CEACAM3: variants seen among roughly 807,000 people sequenced by gnomAD.
CEACAM3 encodes the protein CEA cell adhesion molecule 3.
Under a neutral mutation model 30.1 loss-of-function variants are expected in CEACAM3, and 32 were observed. The observed-to-expected ratio is 1.06, with a 90% CI of 0.80 to 1.43. The LOEUF (loss-of-function observed/expected upper bound fraction) is 1.43. Among genes scored for constraint, CEACAM3 ranks in the 40% most tolerant of loss-of-function variants. The probability of loss-of-function intolerance (pLI) is 0.00; values close to 1 mark genes in which losing one functional copy is unlikely to be tolerated. For missense variants in CEACAM3, 290 were observed against 316.3 expected (o/e 0.92, Z 0.63); for synonymous variants, 134 against 127.2 (o/e 1.05, Z -0.36).
In CEACAM3 at chr19:41,811,335, C is replaced by T; in HGVS notation, c.*98C>T. 1 of 1,041,798 alleles carries T rather than the reference C, an allele frequency of 9.6e-7. No homozygotes were observed. Among genetic ancestry groups the T allele is most frequent in the South Asian group, 1.3e-5 (1 of 78,570 alleles). 64.5% of individuals were successfully genotyped at this position (1,041,798 alleles called of 1,614,324 possible). A position where few individuals can be genotyped will look rare whatever the true frequency, so the allele number is the denominator to read the frequency against. ...CATGAAGCCTGAGCCAGAGAACCAG[C>T]TATAAGTCCTGAGAAGACACTGGTG... On this transcript the variant is annotated 3_prime_UTR_variant, in exon 7 of 7. Coordinates refer to ENST00000357396, the MANE Select transcript of CEACAM3 (RefSeq NM_001815.5).
chr19:41,803,850 C>T (rs1044494846), intron 2 of CEACAM3, among the ~76,000 whole-genome samples: 13 of 152,008 alleles, frequency 8.6e-5, no homozygotes, highest in Non-Finnish European at 1.6e-4. Flanking sequence ...GAGGCTGAGG[C>T]GGGTGGATCA....
Position 41,797,705 on chromosome 19 carries a change from C to A in CEACAM3, c.181C>A (p.His61Asn). 1 of 1,614,072 alleles carries A rather than the reference C, an allele frequency of 6.2e-7. No individual in the cohort carries two copies. The highest frequency in any genetic ancestry group is 8.5e-7 in the Non-Finnish European group (1 of 1,179,980). The change falls in exon 2 of 7, where the codon CAT becomes AAT. Residue 61 changes from histidine (H) to asparagine (N), a missense_variant. Physicochemically the swap from His to Asn is moderately conservative, Grantham distance 68. Transcript: ENST00000357396. ...TCTACTTGTCCACAATCTGCCCCAG[C>A]ATCTTTTTGGCTACAGCTGGTACAA... ...VLLLVHNLPQ[H>N]LFGYSWYKGE... is the part of the protein sequence containing the mutation.
At chr19:41,803,426 ATGTGTGTGTGTGTG>A (rs1164324050) in intron 2 of CEACAM3, among the ~76,000 whole-genome samples, 1 of 128,964 alleles carries the variant, frequency 7.8e-6, no homozygotes, top group Non-Finnish European at 1.6e-5. Context: ...TTGTGTGTGT[ATGTGTGTGTGTGTG>A]TGTGTGTGTG....
At chr19:41,809,417 T>C in intron 3 of CEACAM3, 1 of 164,548 alleles carries the variant, frequency 6.1e-6, no homozygotes. Context: ...CCATAGGCCC[T>C]GAGGTGTGAG....
chr19:41,802,671 C>T (rs1264041282), intron 2 of CEACAM3, among the ~76,000 whole-genome samples: 1 of 152,174 alleles, frequency 6.6e-6, no homozygotes, highest in Non-Finnish European at 1.5e-5. Context: ...GAATAGGCAA[C>T]AAAGATCCCC....
In CEACAM3 at chr19:41,797,843, C is replaced by T; in HGVS notation, c.319C>T (p.Leu107=). The T allele has an allele frequency of 6.2e-7, 1 of 1,613,524 alleles. No homozygotes were observed. Among genetic ancestry groups the T allele is most frequent in the Non-Finnish European group, 8.5e-7 (1 of 1,179,990 alleles). ...AGAGACAATATACACCAATGCATCC[C>T]TGCTGATCCAGAATGTCACCCAGAA... The part of the protein sequence containing the change: ...GRETIYTNAS[L]LIQNVTQNDI... The change falls in exon 2 of 7, where the codon CTG becomes TTG. Residue 107 remains leucine, a synonymous_variant. Coordinates refer to ENST00000357396, the MANE Select transcript of CEACAM3 (RefSeq NM_001815.5).
Position 41,810,853 on chromosome 19 carries a change from C to G in CEACAM3, c.649C>G (p.Gln217Glu). 1 of 1,613,474 alleles carries G rather than the reference C, an allele frequency of 6.2e-7. No homozygotes were observed. The highest frequency in any genetic ancestry group is 8.5e-7 in the Non-Finnish European group (1 of 1,179,664). ...AFSMSPLSTA[Q>E]APLPNPRTAA... ...ACAGATGTCCCCTCTCTCCACTGCC[C>G]AGGCCCCCCTACCCAACCCCAGGAC... The change falls in exon 6 of 7, where the codon CAG becomes GAG. Residue 217 changes from glutamine to glutamate, a missense_variant. Transcript: ENST00000357396.
intron 2 of CEACAM3, chr19:41,807,153 C>G (rs781839917): frequency 1.0e-5 from 16 of 1,553,964 alleles, no homozygotes. Context: ...AACTCCAACC[C>G]CAAGGAGGAC....
intron 5 of CEACAM3, among the ~76,000 whole-genome samples, chr19:41,810,626 G>A (rs781367238): frequency 6.6e-6 from 1 of 152,132 alleles, no homozygotes; most frequent in African/African-American, 2.4e-5. Flanking sequence ...ATCAGTCAGG[G>A]GCCCACATTA....
Position 41,797,924 on chromosome 19 carries a change from G to A in CEACAM3, c.400G>A (p.Ala134Thr), listed in dbSNP as rs201879141. ...VIKSDLVNEE[A>T]TGQFHVYQEN... ...AAAGTCAGATCTTGTGAATGAAGAA[G>A]CAACTGGACAGTTCCATGTATACCG... is the stretch of plus-strand genomic sequence containing the variant. The change falls in exon 2 of 7, where the codon GCA (alanine) becomes ACA (threonine). Residue 134 changes from alanine (A) to threonine (T), a missense_variant. Transcript: ENST00000357396. The A allele has an allele frequency of 1.8e-5, 29 of 1,609,472 alleles. No individual in the cohort carries two copies. The highest frequency in any genetic ancestry group is 2.5e-5 in the Non-Finnish European group (29 of 1,177,658).
At chr19:41,810,967 C>G in intron 6 of CEACAM3, 70 bp downstream of exon 6, 1 of 1,435,844 alleles carries the variant, frequency 7.0e-7, no homozygotes, top group East Asian at 2.3e-5. Context: ...CTACTGGCAT[C>G]GGCTGAGCTC....
chr19:41,808,875 G>A lies in CEACAM3; in HGVS notation c.487G>A (p.Gly163Arg), dbSNP rs562109340. Residue 163 changes from glycine (G) to arginine (R), a missense_variant, in exon 3 of 7, where the codon GGA becomes AGA. Coordinates refer to ENST00000357396, the MANE Select transcript of CEACAM3 (RefSeq NM_001815.5). ...VAGIVTGVLV[G>R]VALVAALVCF... The stretch of plus-strand genomic sequence containing the variant: ...CGGCATCGTGACCGGGGTCCTGGTC[G>A]GAGTGGCGCTGGTGGCCGCGCTGGT... The A allele has an allele frequency of 1.1e-5, 17 of 1,609,954 alleles. No individual in the cohort carries two copies. Among genetic ancestry groups the A allele is most frequent in the South Asian group, 2.2e-5 (2 of 90,772 alleles).
At chr19:41,804,513 T>A (rs1418059664) in intron 2 of CEACAM3, among the ~76,000 whole-genome samples, 2 of 152,208 alleles carry the variant, frequency 1.3e-5, no homozygotes, top group African/African-American at 4.8e-5. Context: ...CTTTTGACAT[T>A]TACTGACATA....
In CEACAM3 at chr19:41,796,616, T is replaced by A. The variant is rs1286312287; in HGVS notation, c.-62T>A. 1.3e-6 allele frequency: 2 copies of A among 1,588,298 alleles called. No individual in the cohort carries two copies. The highest frequency in any genetic ancestry group is 1.7e-6 in the Non-Finnish European group (2 of 1,156,930). Reference sequence around the variant, plus strand: ...GAGCCTAAGTCACAGTAGCCCTGACTACAGCATTCCTGGAGCCCAGGCTCT... The same window carrying A: ...GAGCCTAAGTCACAGTAGCCCTGACAACAGCATTCCTGGAGCCCAGGCTCT... On this transcript the variant is annotated 5_prime_UTR_variant, in exon 1 of 7. Transcript: ENST00000357396.
Position 41,797,576 on chromosome 19 carries a change from T to C in CEACAM3, c.65-13T>C, listed in dbSNP as rs782287117. On this transcript the variant is annotated splice_polypyrimidine_tract_variant and intron_variant, in intron 1 of 6. Coordinates refer to ENST00000357396, the MANE Select transcript of CEACAM3 (RefSeq NM_001815.5). The stretch of plus-strand genomic sequence containing the variant: ...ATGGGTCCCAATATTGACTGATGCT[T>C]TCTCCCTCCTAGCCTCACTTCTAAA... 3.7e-6 allele frequency: 6 copies of C among 1,607,244 alleles called. No individual in the cohort carries two copies. In the African/African-American group the frequency reaches 8.0e-5, roughly 22 times the overall value.
In CEACAM3 at chr19:41,807,016, G is replaced by A; in HGVS notation, c.425-1797G>A. The A allele has an allele frequency of 3.3e-6, 5 of 1,515,392 alleles. No individual in the cohort carries two copies. The East Asian group carries it at 1.2e-4, about 36-fold the overall frequency. 93.9% of individuals were successfully genotyped at this position (1,515,392 alleles called of 1,614,324 possible). A position where few individuals can be genotyped will look rare whatever the true frequency, so the allele number is the denominator to read the frequency against. ...CTTGGTCTTTTAAGGAGTGGAGTTG[G>A]CCAAAGAATAGGAGATGTTGATTCT... is the stretch of plus-strand genomic sequence containing the variant. On this transcript the variant is annotated intron_variant, in intron 2 of 6. Coordinates refer to ENST00000357396, the MANE Select transcript of CEACAM3 (RefSeq NM_001815.5).
intron 2 of CEACAM3, chr19:41,807,723 C>T (rs2073214678): frequency 2.8e-6 from 2 of 711,448 alleles, no homozygotes; most frequent in South Asian, 2.1e-5. Flanking sequence ...AGACCAGGAG[C>T]TTCCCCTTCC....
rs1393827917 is a variant in CEACAM3 at position 41,803,713 on chromosome 19, G to A, written c.425-5100G>A. Among the ~76,000 whole-genome samples, 211 of 105,660 alleles carry A rather than the reference G, an allele frequency of 2.0e-3. 14 individuals carry two copies. Among genetic ancestry groups the A allele is most frequent in the African/African-American group, 5.8e-3 (202 of 35,036 alleles). The allele number at this position is 105,660 out of a possible 152,430, so 69.3% of individuals were successfully genotyped here. On this transcript the variant is annotated intron_variant, in intron 2 of 6. Transcript: ENST00000357396. ...GACCTCCCAACCTCATGATCTGCCC[G>A]CCTTGGCCTCCAAAAGTGCTGGGAT...
rs937560850 is a variant in CEACAM3 at position 41,811,410 on chromosome 19, G to A, written c.*173G>A. ...TCCCTGATGAATATCTGGAGACCTCGACAGCCTGCCCTAGGCCCTGGGTGG... is the reference window on the plus strand; with the variant it reads ...TCCCTGATGAATATCTGGAGACCTCAACAGCCTGCCCTAGGCCCTGGGTGG... On this transcript the variant is annotated 3_prime_UTR_variant, in exon 7 of 7. Transcript: ENST00000357396. 4.8e-6 allele frequency: 3 copies of A among 622,732 alleles called. No homozygotes were observed. Among genetic ancestry groups the A allele is most frequent in the East Asian group, 2.8e-5 (1 of 36,250 alleles). 38.6% of individuals were successfully genotyped at this position (622,732 alleles called of 1,614,324 possible). A position where few individuals can be genotyped will look rare whatever the true frequency, so the allele number is the denominator to read the frequency against.
Sources: gnomAD v4.1 joint callset for allele counts (sites outside exome capture counted in the v4.1 genomes callset) on GRCh38, gnomAD v4.1.1 for gene constraint, MANE v1.5 for transcripts, NCBI Gene and HGNC (gene_info 2026-07-23, HGNC 2026-07-21) for gene names.